SEC61B: variants seen among roughly 807,000 people sequenced by gnomAD.
SEC61B encodes SEC61 translocon subunit beta, also known as protein transport protein Sec61 subunit beta.
A neutral mutation model predicts 12.6 loss-of-function variants in SEC61B; 7 were observed. The ratio of observed to expected loss-of-function variants is 0.55; its 90% CI spans 0.32 to 1.04. SEC61B has a LOEUF of 1.04. Among genes scored for constraint, SEC61B ranks in the 50% least tolerant of loss-of-function variants. The pLI is 0.05. For synonymous variants in SEC61B, 54 were observed against 50.1 expected (o/e 1.08, Z -0.33); for missense variants, 107 against 130.1 (o/e 0.82, Z 0.86).
At position 99,222,282 on chromosome 9, in the gene SEC61B, A is replaced by T; in HGVS notation, c.-82A>T. The stretch of plus-strand genomic sequence containing the variant: ...CAAGTCCGGGGGCGGGGCCTGAGTC[A>T]GTCTCGCCAGCTGCCGGTCTTTCGG... On this transcript the variant is annotated 5_prime_UTR_variant, in exon 1 of 4. Transcript: ENST00000223641. 3 of 1,601,948 alleles carry T rather than the reference A, an allele frequency of 1.9e-6. No homozygotes were observed. The highest frequency in any genetic ancestry group is 1.7e-6 in the Non-Finnish European group (2 of 1,169,206).
At chr9:99,227,582 G>A (rs12377127) in intron 2 of SEC61B, among the ~76,000 whole-genome samples, 1 of 152,166 alleles carries the variant, frequency 6.6e-6, no homozygotes, top group East Asian at 1.9e-4. Context: ...TCCAGGGTCA[G>A]AGCTAGGTTC....
At chr9:99,227,603 T>A (rs777894120) in intron 2 of SEC61B, among the ~76,000 whole-genome samples, 2 of 152,182 alleles carry the variant, frequency 1.3e-5, no homozygotes, top group Non-Finnish European at 2.9e-5. Flanking sequence ...AGCCACCTGT[T>A]GGCTGCAGGG....
At chr9:99,225,041 G>T (rs1828878749) in intron 2 of SEC61B, among the ~76,000 whole-genome samples, 1 of 152,204 alleles carries the variant, frequency 6.6e-6, no homozygotes, top group African/African-American at 2.4e-5. Flanking sequence ...AAGGTGTGAA[G>T]TGCCACATAG....
chr9:99,229,423 C>G (rs1828934911), intron 3 of SEC61B, among the ~76,000 whole-genome samples: 1 of 151,994 alleles, frequency 6.6e-6, no homozygotes, highest in African/African-American at 2.4e-5. Context: ...TTCCTGGGCT[C>G]AAGTGATCTT....
chr9:99,222,317 A>C lies in SEC61B; in HGVS notation c.-47A>C. On this transcript the variant is annotated 5_prime_UTR_variant, in exon 1 of 4. Coordinates refer to ENST00000223641, the MANE Select transcript of SEC61B (RefSeq NM_006808.3). Reference sequence around the variant, plus strand: ...GCTGCCGGTCTTTCGGGGGCTCCGTAACTTTCTATCCGTCCGCGTCAGCGC... The same window carrying C: ...GCTGCCGGTCTTTCGGGGGCTCCGTCACTTTCTATCCGTCCGCGTCAGCGC... 6.2e-7 allele frequency: 1 copy of C among 1,613,996 alleles called. No individual in the cohort carries two copies. Among genetic ancestry groups the C allele is most frequent in the Non-Finnish European group, 8.5e-7 (1 of 1,179,964 alleles).
At position 99,230,446 on chromosome 9, in the gene SEC61B, A is replaced by T. The variant is rs1224879807; in HGVS notation, c.*22A>T. The stretch of plus-strand genomic sequence containing the variant: ...GTAGATTCAGTTACATCCATCTGTC[A>T]TCTGAAGAAGGAGGAAAAAACCCAA... On this transcript the variant is annotated 3_prime_UTR_variant, in exon 4 of 4. Transcript: ENST00000223641. 2.6e-6 allele frequency: 4 copies of T among 1,510,042 alleles called. No homozygotes were observed. Among genetic ancestry groups the T allele is most frequent in the Non-Finnish European group, 3.7e-6 (4 of 1,093,022 alleles). The allele number at this position is 1,510,042 out of a possible 1,614,324, so 93.5% of individuals were successfully genotyped here. A position where few individuals can be genotyped will look rare whatever the true frequency, so the allele number is the denominator to read the frequency against.
At chr9:99,222,500 C>G (rs1828840000) in intron 1 of SEC61B, 46 bp from the exon 2 acceptor site, 1 of 1,602,338 alleles carries the variant, frequency 6.2e-7, no homozygotes. Flanking sequence ...GGTTCTGGGG[C>G]AGGCCTGCCG....
chr9:99,222,495 T>C (rs1402414826), intron 1 of SEC61B, 51 bp from the exon 2 acceptor site: 2 of 1,603,466 alleles, frequency 1.2e-6, no homozygotes, highest in Admixed American at 1.7e-5. Context: ...GCCGGGGTTC[T>C]GGGGCAGGCC....
chr9:99,223,907 A>G (rs951413574), intron 2 of SEC61B, among the ~76,000 whole-genome samples: 3 of 152,186 alleles, frequency 2.0e-5, no homozygotes, highest in Non-Finnish European at 4.4e-5. Flanking sequence ...TGTTCATATC[A>G]TTATAAGACC....
chr9:99,229,620 T>C (rs1233783658), intron 3 of SEC61B, among the ~76,000 whole-genome samples: 1 of 152,204 alleles, frequency 6.6e-6, no homozygotes, highest in Non-Finnish European at 1.5e-5. Flanking sequence ...AGAGGGAACC[T>C]CAGAGAGAAC....
intron 2 of SEC61B, 69 bp downstream of exon 2, chr9:99,222,712 G>A (rs1828844417): frequency 9.1e-7 from 1 of 1,095,140 alleles, no homozygotes; most frequent in South Asian, 1.6e-5. Flanking sequence ...TGATTCTGGG[G>A]TGGAGACCCT....
rs1828944699 is a variant in SEC61B, at chr9:99,230,282, G to A, written c.204-55G>A. The A allele has an allele frequency of 2.6e-6, 3 of 1,163,588 alleles. No homozygotes were observed. The East Asian group carries it at 7.4e-5, about 29-fold the overall frequency. The allele number at this position is 1,163,588 out of a possible 1,614,324, so 72.1% of individuals were successfully genotyped here. On this transcript the variant is annotated intron_variant, in intron 3 of 3. Transcript: ENST00000223641. ...CCCCTAGGCAATCTTTAGTATTGCAGATCTAATAGTATATTATTACTAAAA... is the reference window on the plus strand; with the variant it reads ...CCCCTAGGCAATCTTTAGTATTGCAAATCTAATAGTATATTATTACTAAAA...
At chr9:99,225,931 C>T (rs1372355836) in intron 2 of SEC61B, among the ~76,000 whole-genome samples, 1 of 152,182 alleles carries the variant, frequency 6.6e-6, no homozygotes, top group Non-Finnish European at 1.5e-5. Flanking sequence ...GGTTTATCTT[C>T]TAGCTTAAAA....
At chr9:99,223,336 A>C (rs12338343) in intron 2 of SEC61B, among the ~76,000 whole-genome samples, 5,693 of 133,786 alleles carry the variant, frequency 0.043, 151 homozygotes, top group African/African-American at 0.077. Flanking sequence ...AACAAACAAA[A>C]AAAAAAAACC....
Position 99,222,294 on chromosome 9 carries a change from T to C in SEC61B, c.-70T>C, listed in dbSNP as rs1311863264. The C allele has an allele frequency of 5.0e-6, 8 of 1,612,320 alleles. No individual in the cohort carries two copies. The highest frequency in any genetic ancestry group is 6.8e-6 in the Non-Finnish European group (8 of 1,178,580). On this transcript the variant is annotated 5_prime_UTR_variant, in exon 1 of 4. Transcript: ENST00000223641. Reference sequence around the variant, plus strand: ...CGGGGCCTGAGTCAGTCTCGCCAGCTGCCGGTCTTTCGGGGGCTCCGTAAC... The same window carrying C: ...CGGGGCCTGAGTCAGTCTCGCCAGCCGCCGGTCTTTCGGGGGCTCCGTAAC...
chr9:99,227,676 C>T (rs1027958496), intron 2 of SEC61B, among the ~76,000 whole-genome samples: 2 of 152,116 alleles, frequency 1.3e-5, no homozygotes, highest in Non-Finnish European at 1.5e-5. Context: ...ATGGAAAAAT[C>T]GTGACTGCTT....
At chr9:99,223,639 G>A (rs1828863626) in intron 2 of SEC61B, among the ~76,000 whole-genome samples, 1 of 151,740 alleles carries the variant, frequency 6.6e-6, no homozygotes, top group Non-Finnish European at 1.5e-5. Flanking sequence ...GTGATCCTCC[G>A]TCTCTGCCTC....
Position 99,222,554 on chromosome 9 carries a change from G to C in SEC61B, c.12G>C (p.Pro4=). Residue 4 remains proline, a synonymous_variant, in exon 2 of 4, where the codon CCG becomes CCC. Transcript: ENST00000223641. The stretch of plus-strand genomic sequence containing the variant: ...CTTGTCTCCCTCTACAGCCTGGTCC[G>C]ACCCCCAGTGGCACTAACGTGGGAT... MPG[P]TPSGTNVGSS... 6.3e-7 allele frequency: 1 copy of C among 1,581,694 alleles called. No homozygotes were observed.
intron 2 of SEC61B, among the ~76,000 whole-genome samples, chr9:99,224,212 C>T (rs1828871524): frequency 6.6e-6 from 1 of 152,186 alleles, no homozygotes; most frequent in Admixed American, 6.5e-5. Flanking sequence ...TGAAATATTT[C>T]ACATCAGAAC....
Sources: allele counts gnomAD v4.1 joint callset (sites outside exome capture counted in the v4.1 genomes callset), GRCh38; gene constraint gnomAD v4.1.1; transcripts MANE v1.5; gene names NCBI Gene and HGNC (gene_info 2026-07-23, HGNC 2026-07-21).